Variants in RBPMS observed in about 807,000 individuals in gnomAD.
RBPMS encodes RNA binding protein, mRNA processing factor, also known as RNA-binding protein with multiple splicing.
In RBPMS, 7 loss-of-function variants were observed where a neutral mutation model predicts 26.8. The ratio of observed to expected loss-of-function variants is 0.26; its 90% CI spans 0.15 to 0.49. RBPMS has a LOEUF of 0.49. Among genes scored for constraint, RBPMS ranks in the 20% least tolerant of loss-of-function variants. RBPMS has a pLI of 0.98. For synonymous variants in RBPMS, 96 were observed against 93.3 expected, an observed-to-expected ratio of 1.03 and a Z score of -0.17; for missense variants, 186 against 250.0, an observed-to-expected ratio of 0.74 and a Z score of 1.73.
At position 30,533,383 on chromosome 8, in the gene RBPMS, C is replaced by T. The variant is rs1266110630; in HGVS notation, c.398-11111C>T. Among the ~76,000 whole-genome samples, 3 of 152,122 alleles carry T rather than the reference C, an allele frequency of 2.0e-5. No homozygotes were observed. In the East Asian group the frequency reaches 5.8e-4, roughly 29 times the overall value. ...TTGCACTGAAAATTTAATCCAAGGGCACCAGATTTTTAAAACATGAATGAA... is the reference window on the plus strand; with the variant it reads ...TTGCACTGAAAATTTAATCCAAGGGTACCAGATTTTTAAAACATGAATGAA... On this transcript the variant is annotated intron_variant, in intron 5 of 8. Transcript: ENST00000397323.
At chr8:30,555,906 T>C (rs1245971381) in intron 6 of RBPMS, 3 of 984,998 alleles carry the variant, frequency 3.0e-6, no homozygotes, top group Non-Finnish European at 3.6e-6. Flanking sequence ...AGCAGCTTGT[T>C]CCCCCCCACC....
At chr8:30,421,937 A>G (rs6468342) in intron 1 of RBPMS, among the ~76,000 whole-genome samples, 117,743 of 151,456 alleles carry the variant, frequency 0.78, 46,066 homozygotes, top group African/African-American at 0.85. Flanking sequence ...CCTGGGTGAC[A>G]TAGCGAGACT....
intron 1 of RBPMS, among the ~76,000 whole-genome samples, chr8:30,409,233 G>T (rs1317506639): frequency 2.8e-4 from 40 of 145,424 alleles, no homozygotes; most frequent in African/African-American, 9.2e-4. Context: ...TGCTTTTGTT[G>T]CCCAGGCTAG....
intron 1 of RBPMS, among the ~76,000 whole-genome samples, chr8:30,461,747 T>C (rs1470059718): frequency 6.6e-6 from 1 of 152,214 alleles, no homozygotes; most frequent in African/African-American, 2.4e-5. Flanking sequence ...TTGCCTAGTT[T>C]CTGCCTGTAG....
intron 5 of RBPMS, among the ~76,000 whole-genome samples, chr8:30,541,363 C>A (rs771594564): frequency 5.9e-5 from 9 of 152,162 alleles, no homozygotes; most frequent in African/African-American, 9.7e-5. Context: ...TTTTCAGAAT[C>A]CAATTTGAGC....
At chr8:30,453,811 T>C (rs929209316) in intron 1 of RBPMS, 7 of 152,216 alleles carry the variant, frequency 4.6e-5, no homozygotes, top group African/African-American at 1.7e-4. Context: ...TGGGAGTAGG[T>C]ACAATTGAAT....
chr8:30,510,936 C>G (rs561904260), intron 5 of RBPMS, among the ~76,000 whole-genome samples: 1 of 151,966 alleles, frequency 6.6e-6, no homozygotes, highest in African/African-American at 2.4e-5. Context: ...TTAGAAGGTG[C>G]TTTAAACTCA....
chr8:30,541,227 C>G (rs142720341), intron 5 of RBPMS, among the ~76,000 whole-genome samples: 1 of 152,266 alleles, frequency 6.6e-6, no homozygotes, highest in African/African-American at 2.4e-5. Context: ...TCTGTTTCCT[C>G]ATCTAAAACG....
chr8:30,542,288 T>C (rs1029692796), intron 5 of RBPMS, among the ~76,000 whole-genome samples: 4 of 152,214 alleles, frequency 2.6e-5, no homozygotes, highest in African/African-American at 9.6e-5. Flanking sequence ...TGCTTCAGGA[T>C]AAAAACAGAG....
chr8:30,455,769 A>G, intron 1 of RBPMS, among the ~76,000 whole-genome samples: 1 of 152,162 alleles, frequency 6.6e-6, no homozygotes, highest in East Asian at 1.9e-4. Context: ...GGGCGCCTGT[A>G]GTCGCAACTA....
intron 2 of RBPMS, among the ~76,000 whole-genome samples, chr8:30,475,237 G>A (rs1585591347): frequency 2.0e-5 from 3 of 152,218 alleles, no homozygotes; most frequent in East Asian, 1.9e-4. Flanking sequence ...ATACCTAGGT[G>A]TAAGTTGATG....
At chr8:30,471,874 A>G (rs187622926) in intron 1 of RBPMS, among the ~76,000 whole-genome samples, 2 of 152,346 alleles carry the variant, frequency 1.3e-5, no homozygotes, top group Admixed American at 1.3e-4. Flanking sequence ...CAAAAGATAC[A>G]GAACACTTGA....
chr8:30,542,313 CAT>C (rs1325073115), intron 5 of RBPMS, among the ~76,000 whole-genome samples: 46 of 152,304 alleles, frequency 3.0e-4, no homozygotes, highest in Admixed American at 9.8e-4. Flanking sequence ...GTCTGGGAAA[CAT>C]AAATTCCAGC....
At chr8:30,446,840 T>TGCGC (rs1233126508) in intron 1 of RBPMS, 5 of 72,804 alleles carry the variant, frequency 6.9e-5, no homozygotes, top group African/African-American at 2.3e-4. Flanking sequence ...TGTGTGTGTG[T>TGCGC]GTGCGCGCGC....
intron 4 of RBPMS, among the ~76,000 whole-genome samples, chr8:30,486,383 A>G (rs1818782619): frequency 6.6e-6 from 1 of 150,696 alleles, no homozygotes; most frequent in Non-Finnish European, 1.5e-5. Flanking sequence ...AACAAAAAAC[A>G]GGGTTCAGCC....
At chr8:30,545,001 A>G in intron 6 of RBPMS, 1 of 1,446,420 alleles carries the variant, frequency 6.9e-7, no homozygotes, top group Non-Finnish European at 9.1e-7. Flanking sequence ...TGCTAGGAGA[A>G]GGGGATATGT....
rs780424083 is a variant in RBPMS, at chr8:30,558,973, C to G, written c.*7+17C>G. 4.3e-6 allele frequency: 7 copies of G among 1,609,612 alleles called. No individual in the cohort carries two copies. In the Admixed American group the frequency reaches 1.2e-4, roughly 27 times the overall value. ...GAATACTATGTAAGTACTCGCTTTC[C>G]TTTGGAATGTGCGAAGCCCCTAGAA... On this transcript the variant is annotated intron_variant, in intron 7 of 8. Transcript: ENST00000397323.
At chr8:30,471,798 C>T (rs983177263) in intron 1 of RBPMS, among the ~76,000 whole-genome samples, 2 of 152,156 alleles carry the variant, frequency 1.3e-5, no homozygotes, top group Non-Finnish European at 2.9e-5. Flanking sequence ...CCTCAGCGAA[C>T]TTCATAAAGA....
chr8:30,541,232 AAAACGAAAAGGCAG>A (rs1298009381), intron 5 of RBPMS, among the ~76,000 whole-genome samples: 2 of 152,154 alleles, frequency 1.3e-5, no homozygotes, highest in Non-Finnish European at 2.9e-5. Context: ...TTCCTCATCT[AAAACGAAAAGGCAG>A]AAGATGATCT....
Sources: allele counts gnomAD v4.1 joint callset (sites outside exome capture counted in the v4.1 genomes callset), GRCh38; gene constraint gnomAD v4.1.1; transcripts MANE v1.5; gene names NCBI Gene and HGNC (gene_info 2026-07-23, HGNC 2026-07-21).